Variants in MTMR7 observed in about 807,000 individuals in gnomAD.
MTMR7 encodes phosphatidylinositol-3-phosphate phosphatase MTMR7.
Under a neutral mutation model 81.2 loss-of-function variants are expected in MTMR7, and 76 were observed. The observed-to-expected ratio is 0.94, with a 90% confidence interval of 0.78 to 1.13. The LOEUF (loss-of-function observed/expected upper bound fraction) is 1.13, where lower values mean the gene tolerates loss of function less well. Ranked by LOEUF, MTMR7 falls within the 50% of genes most tolerant of loss-of-function variation. The pLI is 0.00. For synonymous variants in MTMR7, 372 were observed against 289.8 expected, an observed-to-expected ratio of 1.28 and a Z score of -2.88; for missense variants, 1,044 against 820.0, an observed-to-expected ratio of 1.27 and a Z score of -3.34.
At chr8:17,388,182 G>A (rs539487200) in intron 1 of MTMR7, among the ~76,000 whole-genome samples, 1 of 152,254 alleles carries the variant, frequency 6.6e-6, no homozygotes, top group South Asian at 2.1e-4. Flanking sequence ...TATTTTGGTA[G>A]GATGACCCTG....
chr8:17,405,748 A>AT (rs200285706), intron 1 of MTMR7, among the ~76,000 whole-genome samples: 10 of 151,162 alleles, frequency 6.6e-5, no homozygotes, highest in Non-Finnish European at 1.3e-4. Flanking sequence ...CTATGTGGTT[A>AT]AAAAAAAAAT....
intron 11 of MTMR7, among the ~76,000 whole-genome samples, chr8:17,304,871 CCTCA>C (rs1438999570): frequency 4.6e-5 from 7 of 151,944 alleles, no homozygotes; most frequent in African/African-American, 1.5e-4. Context: ...CTCATTTAAT[CCTCA>C]CTGAGTTGCT....
chr8:17,324,094 AC>A (rs1193593227), intron 7 of MTMR7, among the ~76,000 whole-genome samples: 2 of 152,148 alleles, frequency 1.3e-5, no homozygotes, highest in African/African-American at 4.8e-5. Flanking sequence ...AATGTGACTT[AC>A]CCAGGGAAGG....
intron 10 of MTMR7, among the ~76,000 whole-genome samples, chr8:17,306,229 C>T (rs975603785): frequency 6.6e-6 from 1 of 152,056 alleles, no homozygotes; most frequent in African/African-American, 2.4e-5. Flanking sequence ...ACACTTTCCA[C>T]AGAAAAAGGG....
chr8:17,305,470 C>G (rs1043005616), intron 11 of MTMR7, among the ~76,000 whole-genome samples: 1 of 152,110 alleles, frequency 6.6e-6, no homozygotes, highest in African/African-American at 2.4e-5. Context: ...AATGCAAAAA[C>G]CACTTTTTTG....
chr8:17,413,279 C>T lies in MTMR7; in HGVS notation c.14G>A (p.Arg5His), dbSNP rs754175709. Residue 5 changes from arginine to histidine, a missense_variant, in exon 1 of 14, where the codon CGT becomes CAT. Arg to His is a conservative substitution (Grantham distance 29). Coordinates refer to ENST00000180173, the MANE Select transcript of MTMR7 (RefSeq NM_004686.5). MEHI[R>H]TPKVENVRLV... ...GCTGGTGTCACCAACCTTGGGCGTA[C>T]GGATGTGCTCCATGGCTGGCCCACG... 1 of 1,546,994 alleles carries T rather than the reference C, an allele frequency of 6.5e-7. No homozygotes were observed. The highest frequency in any genetic ancestry group is 8.7e-7 in the Non-Finnish European group (1 of 1,144,482).
At chr8:17,384,188 A>T (rs1282053058) in intron 1 of MTMR7, among the ~76,000 whole-genome samples, 1 of 152,144 alleles carries the variant, frequency 6.6e-6, no homozygotes, top group Non-Finnish European at 1.5e-5. Flanking sequence ...AGGCAGGAAG[A>T]TCACTTGAGG....
At chr8:17,304,681 G>A (rs568220769) in intron 11 of MTMR7, among the ~76,000 whole-genome samples, 162 bp from the exon 12 acceptor site, 1 of 151,524 alleles carries the variant, frequency 6.6e-6, no homozygotes, top group East Asian at 1.9e-4. Context: ...ATGGTATAGA[G>A]GGAGAACACT....
At chr8:17,347,712 T>G (rs1166290184) in intron 5 of MTMR7, among the ~76,000 whole-genome samples, 4 of 152,226 alleles carry the variant, frequency 2.6e-5, no homozygotes, top group Non-Finnish European at 4.4e-5. Context: ...AGACCATTCT[T>G]GCTCATCCGA....
At chr8:17,303,672 C>T (rs190047998) in intron 12 of MTMR7, among the ~76,000 whole-genome samples, 59 of 151,148 alleles carry the variant, frequency 3.9e-4, no homozygotes, top group Non-Finnish European at 7.1e-4. Context: ...TGCAATGGCA[C>T]GATCTCGGCT....
At chr8:17,382,070 T>C (rs1192848167) in intron 1 of MTMR7, among the ~76,000 whole-genome samples, 1 of 152,232 alleles carries the variant, frequency 6.6e-6, no homozygotes, top group Admixed American at 6.5e-5. Context: ...TGAAAATGCA[T>C]ACAATAATGA....
intron 6 of MTMR7, among the ~76,000 whole-genome samples, chr8:17,333,176 C>T (rs1563341132): frequency 6.6e-6 from 1 of 152,092 alleles, no homozygotes; most frequent in Non-Finnish European, 1.5e-5. Context: ...CTGTTCCCAT[C>T]CACAAAAGGG....
intron 1 of MTMR7, among the ~76,000 whole-genome samples, chr8:17,405,149 GC>G: frequency 6.6e-6 from 1 of 152,332 alleles, no homozygotes; most frequent in South Asian, 2.1e-4. Flanking sequence ...ACTGCGCCCA[GC>G]CTATCAGTTA....
At position 17,299,082 on chromosome 8, in the gene MTMR7, C is replaced by G. The variant is rs1438477351; in HGVS notation, c.*780G>C. ...ACTGTCGGTAGTGTAGTCTCTAGAA[C>G]AGTAATAAAAGGTTATTACAAGAAA... is the stretch of plus-strand genomic sequence containing the variant. On this transcript the variant is annotated 3_prime_UTR_variant, in exon 14 of 14. Transcript: ENST00000180173. The G allele has an allele frequency of 1.3e-5, 2 of 152,076 alleles. No individual in the cohort carries two copies. The highest frequency in any genetic ancestry group is 2.9e-5 in the Non-Finnish European group (2 of 68,006). The allele number at this position is 152,076 out of a possible 1,614,324, so 9.4% of individuals were successfully genotyped here.
At chr8:17,326,208 A>C (rs1474883934) in intron 7 of MTMR7, 1 of 152,202 alleles carries the variant, frequency 6.6e-6, no homozygotes, top group Non-Finnish European at 1.5e-5. Flanking sequence ...ACTCACAGTA[A>C]GTAGGTAAAA....
chr8:17,380,446 A>G (rs1457688268), intron 1 of MTMR7, among the ~76,000 whole-genome samples: 2 of 152,088 alleles, frequency 1.3e-5, no homozygotes, highest in Admixed American at 1.3e-4. Flanking sequence ...CCTGCAGGGA[A>G]CAGGTGGCGT....
intron 4 of MTMR7, among the ~76,000 whole-genome samples, chr8:17,356,786 G>C (rs887119513): frequency 2.6e-5 from 4 of 152,108 alleles, no homozygotes; most frequent in African/African-American, 9.7e-5. Flanking sequence ...TAAATTCTCA[G>C]AAGTGGCACT....
At chr8:17,373,705 T>C (rs1820489691) in intron 1 of MTMR7, among the ~76,000 whole-genome samples, 1 of 152,188 alleles carries the variant, frequency 6.6e-6, no homozygotes, top group African/African-American at 2.4e-5. Flanking sequence ...TACAAACTAG[T>C]AGCAAGTATA....
At chr8:17,309,664 G>A (rs916418261) in intron 9 of MTMR7, among the ~76,000 whole-genome samples, 5 of 152,174 alleles carry the variant, frequency 3.3e-5, no homozygotes, top group African/African-American at 7.2e-5. Flanking sequence ...AGGGGAAACC[G>A]AAGGAAAGAG....
Sources: gnomAD v4.1 joint callset for allele counts (sites outside exome capture counted in the v4.1 genomes callset) on GRCh38, gnomAD v4.1.1 for gene constraint, MANE v1.5 for transcripts, NCBI Gene and HGNC (gene_info 2026-07-23, HGNC 2026-07-21) for gene names.